Variants in CDYL2 observed in about 807,000 individuals in gnomAD.
CDYL2 encodes the protein chromodomain Y like 2.
In CDYL2, 23 loss-of-function variants were observed where a neutral mutation model predicts 49.4. That is an observed-to-expected ratio of 0.47 (90% CI 0.34 to 0.66). The LOEUF (loss-of-function observed/expected upper bound fraction) is 0.66. Among genes scored for constraint, CDYL2 ranks in the 30% least tolerant of loss-of-function variants. The probability of loss-of-function intolerance (pLI) is 0.01; values close to 1 mark genes in which losing one functional copy is unlikely to be tolerated. For synonymous variants in CDYL2, 360 were observed against 268.8 expected (o/e 1.34, Z -3.32); for missense variants, 678 against 656.4 (o/e 1.03, Z -0.36).
intron 2 of CDYL2, among the ~76,000 whole-genome samples, chr16:80,659,228 G>C (rs1201101335): frequency 2.0e-5 from 3 of 152,088 alleles, no homozygotes; most frequent in Middle Eastern, 3.2e-3. Context: ...AAAATAACTA[G>C]CTTGTATTCT....
At chr16:80,675,370 G>GT (rs1242872968) in intron 2 of CDYL2, among the ~76,000 whole-genome samples, 1 of 152,180 alleles carries the variant, frequency 6.6e-6, no homozygotes. Flanking sequence ...TTGCTATGTT[G>GT]TTAAACTGCT....
chr16:80,781,365 C>T (rs1907261393), intron 1 of CDYL2, among the ~76,000 whole-genome samples: 1 of 152,136 alleles, frequency 6.6e-6, no homozygotes. Flanking sequence ...GTGCATCTAA[C>T]AACAGAGCCC....
intron 1 of CDYL2, among the ~76,000 whole-genome samples, chr16:80,709,203 G>A (rs554540020): frequency 1.5e-4 from 23 of 152,236 alleles, no homozygotes; most frequent in Middle Eastern, 3.4e-3. Flanking sequence ...CCAACATGGC[G>A]AAACCCCGTC....
chr16:80,775,395 C>T (rs1907047806), intron 1 of CDYL2, among the ~76,000 whole-genome samples: 2 of 151,646 alleles, frequency 1.3e-5, no homozygotes, highest in South Asian at 2.1e-4. Flanking sequence ...TTAAAAGTTA[C>T]GGGAAGGGGA....
At chr16:80,637,600 G>C (rs577694971) in intron 2 of CDYL2, among the ~76,000 whole-genome samples, 46 of 152,286 alleles carry the variant, frequency 3.0e-4, no homozygotes, top group African/African-American at 1.1e-3. Flanking sequence ...AAGGTTAACA[G>C]ACAAAAGTCA....
Position 80,611,428 on chromosome 16 carries a change from A to G in CDYL2, c.1218+1198T>C, listed in dbSNP as rs191915797. On this transcript the variant is annotated intron_variant, in intron 5 of 6. Transcript: ENST00000570137. Reference sequence around the variant, plus strand: ...AATTCAGAGTTTGTGGCTGCTCTGAACAGCAGAGGCTGCCTGAGAGTCCAC... The same window carrying G: ...AATTCAGAGTTTGTGGCTGCTCTGAGCAGCAGAGGCTGCCTGAGAGTCCAC... Among the ~76,000 whole-genome samples, 475 of 152,256 alleles carry G rather than the reference A, an allele frequency of 3.1e-3. 2 individuals are homozygous for G. Among genetic ancestry groups the G allele is most frequent in the African/African-American group, 0.011 (444 of 41,540 alleles).
chr16:80,771,697 T>A (rs74451284), intron 1 of CDYL2, among the ~76,000 whole-genome samples: 14,693 of 151,858 alleles, frequency 0.097, 791 homozygotes, highest in African/African-American at 0.12. Flanking sequence ...CACTCCAGCT[T>A]GGGTGTCAAA....
At chr16:80,716,491 G>A (rs769071010) in intron 1 of CDYL2, among the ~76,000 whole-genome samples, 1 of 151,982 alleles carries the variant, frequency 6.6e-6, no homozygotes, top group Non-Finnish European at 1.5e-5. Flanking sequence ...AACAATGGGT[G>A]GGTGGATGGA....
chr16:80,667,554 C>T (rs1909318820), intron 2 of CDYL2, among the ~76,000 whole-genome samples: 1 of 152,172 alleles, frequency 6.6e-6, no homozygotes, highest in African/African-American at 2.4e-5. Context: ...TTCTGCATGT[C>T]TCCATCACAG....
chr16:80,688,246 C>T (rs1188757629), intron 1 of CDYL2, among the ~76,000 whole-genome samples: 1 of 152,116 alleles, frequency 6.6e-6, no homozygotes, highest in East Asian at 1.9e-4. Flanking sequence ...GGTGGCTTGT[C>T]AACAATTTCT....
intron 1 of CDYL2, among the ~76,000 whole-genome samples, chr16:80,718,819 G>C (rs982534479): frequency 1.3e-5 from 2 of 152,182 alleles, no homozygotes; most frequent in African/African-American, 2.4e-5. Context: ...CAGAATCCCA[G>C]TCCCTAAAAG....
intron 1 of CDYL2, among the ~76,000 whole-genome samples, chr16:80,700,340 A>G (rs1219191951): frequency 6.6e-6 from 1 of 152,252 alleles, no homozygotes; most frequent in South Asian, 2.1e-4. Context: ...GCTAAATTTC[A>G]CTAAACTATA....
At chr16:80,800,654 A>G (rs1907897462) in intron 1 of CDYL2, among the ~76,000 whole-genome samples, 1 of 152,162 alleles carries the variant, frequency 6.6e-6, no homozygotes, top group African/African-American at 2.4e-5. Context: ...ACCACCACCA[A>G]GAGGCCATGA....
intron 1 of CDYL2, among the ~76,000 whole-genome samples, chr16:80,744,855 A>G (rs1905871568): frequency 1.3e-5 from 2 of 152,138 alleles, no homozygotes; most frequent in Admixed American, 6.5e-5. Context: ...ACAGTCCTGG[A>G]TCCCCACCCA....
intron 2 of CDYL2, among the ~76,000 whole-genome samples, chr16:80,666,167 C>G (rs1909254350): frequency 6.6e-6 from 1 of 152,174 alleles, no homozygotes; most frequent in Admixed American, 6.5e-5. Context: ...TAAGACCTGC[C>G]TGGAGATGCT....
chr16:80,615,934 C>T (rs1420007320), intron 4 of CDYL2, among the ~76,000 whole-genome samples: 1 of 152,172 alleles, frequency 6.6e-6, no homozygotes, highest in Admixed American at 6.5e-5. Context: ...TATTGCATTA[C>T]GGGCCCTGCA....
chr16:80,732,510 T>C (rs1417552148), intron 1 of CDYL2, among the ~76,000 whole-genome samples: 1 of 152,216 alleles, frequency 6.6e-6, no homozygotes, highest in East Asian at 1.9e-4. Context: ...AGAATATCTT[T>C]GGAAGGAAGT....
intron 1 of CDYL2, among the ~76,000 whole-genome samples, chr16:80,770,104 T>C (rs1597125101): frequency 6.6e-6 from 1 of 151,554 alleles, no homozygotes; most frequent in East Asian, 1.9e-4. Flanking sequence ...TGTCTGAGAA[T>C]TAAGGATGAA....
At chr16:80,789,677 C>G (rs1907548338) in intron 1 of CDYL2, among the ~76,000 whole-genome samples, 1 of 151,938 alleles carries the variant, frequency 6.6e-6, no homozygotes, top group African/African-American at 2.4e-5. Context: ...ATTTAAGTGT[C>G]TACCAGTTGT....
Sources: allele counts gnomAD v4.1 joint callset (sites outside exome capture counted in the v4.1 genomes callset), GRCh38; gene constraint gnomAD v4.1.1; transcripts MANE v1.5; gene names NCBI Gene and HGNC (gene_info 2026-07-23, HGNC 2026-07-21).